Variants in PCLAF observed in about 807,000 individuals in gnomAD.
The protein encoded by PCLAF is PCNA clamp associated factor.
Under a neutral mutation model 15.1 loss-of-function variants are expected in PCLAF, and 12 were observed. The observed-to-expected ratio is 0.79, with a 90% CI of 0.51 to 1.29. PCLAF has a LOEUF of 1.29. Ranked by LOEUF, PCLAF falls within the 50% of genes most tolerant of loss-of-function variation. PCLAF has a pLI of 0.00. For missense variants in PCLAF, 116 were observed against 130.9 expected (o/e 0.89, Z 0.56); for synonymous variants, 33 against 47.1 (o/e 0.70, Z 1.22).
chr15:64,381,651 A>G, upstream of PCLAF: 1 of 713,100 alleles, frequency 1.4e-6, no homozygotes, highest in Non-Finnish European at 2.2e-6. Context: ...GGTGGGCGGT[A>G]CCAGGACTCT....
Position 64,376,787 on chromosome 15 carries a change from A to C in PCLAF, c.246T>G (p.Ile82Met). The part of the protein sequence containing the change: ...SPKDSEKENQ[I>M]PEEAGSSGLG... ...AGCCACTGCTTCCTGCCTCTTCAGG[A>C]ATCTGATTCTCTTTTTCAGAATCTT... Residue 82 changes from isoleucine to methionine, a missense_variant, in exon 3 of 4, where the codon ATT becomes ATG. Physicochemically the swap from Ile to Met is conservative, Grantham distance 10. Transcript: ENST00000300035. The C allele has an allele frequency of 6.2e-7, 1 of 1,613,852 alleles. No individual in the cohort carries two copies. The highest frequency in any genetic ancestry group is 1.1e-5 in the South Asian group (1 of 91,040).
intron 3 of PCLAF, among the ~76,000 whole-genome samples, 163 bp downstream of exon 3, chr15:64,376,580 G>A (rs1018536182): frequency 2.0e-5 from 3 of 152,164 alleles, no homozygotes; most frequent in South Asian, 4.2e-4. Context: ...CCAGCACGCC[G>A]AGCTAATTTT....
At chr15:64,372,255 C>T (rs1274515314) in intron 3 of PCLAF, among the ~76,000 whole-genome samples, 1 of 152,144 alleles carries the variant, frequency 6.6e-6, no homozygotes, top group African/African-American at 2.4e-5. Flanking sequence ...AAGAATTAGT[C>T]ATGCTTGGAT....
chr15:64,386,865 C>A (rs538194421), intron 1 of PCLAF, among the ~76,000 whole-genome samples: 2 of 152,140 alleles, frequency 1.3e-5, no homozygotes, highest in Non-Finnish European at 2.9e-5. Flanking sequence ...AACTTTTAAC[C>A]TGCAAATGCA....
At chr15:64,387,242 C>G (rs1420528384) in intron 1 of PCLAF, among the ~76,000 whole-genome samples, 1 of 151,912 alleles carries the variant, frequency 6.6e-6, no homozygotes, top group African/African-American at 2.4e-5. Context: ...ATTAGCCGGG[C>G]GTGGTGGCGG....
At position 64,381,341 on chromosome 15, in the gene PCLAF, C is replaced by T. The variant is rs375121530; in HGVS notation, c.31G>A (p.Gly11Ser). 7 of 1,614,054 alleles carry T rather than the reference C, an allele frequency of 4.3e-6. No homozygotes were observed. The highest frequency in any genetic ancestry group is 4.2e-6 in the Non-Finnish European group (5 of 1,180,026). Residue 11 changes from glycine (G) to serine (S), a missense_variant, in exon 1 of 4, where the codon GGC (glycine) becomes AGC (serine). Gly to Ser is a moderately conservative substitution (Grantham distance 56). Coordinates refer to ENST00000300035, the MANE Select transcript of PCLAF (RefSeq NM_014736.6). MVRTKADSVP[G>S]TYRKVVAARA... ...ATCGCCTCACCTTTTCTGTAAGTGC[C>T]TGGAACACTGTCTGCTTTAGTCCGC...
intron 3 of PCLAF, among the ~76,000 whole-genome samples, chr15:64,367,265 AG>A (rs1899075291): frequency 6.6e-6 from 1 of 152,114 alleles, no homozygotes; most frequent in South Asian, 2.1e-4. Context: ...GCACTTCGGG[AG>A]GCCGAGGCGG....
At chr15:64,381,576 C>T, upstream of PCLAF, 1 of 1,410,860 alleles carries the variant, frequency 7.1e-7, no homozygotes, top group Non-Finnish European at 9.3e-7. Flanking sequence ...GTGACAGCGG[C>T]GAGGCTTCTT....
chr15:64,378,970 G>A (rs990701532), intron 2 of PCLAF, among the ~76,000 whole-genome samples: 7 of 151,508 alleles, frequency 4.6e-5, no homozygotes, highest in African/African-American at 1.7e-4. Flanking sequence ...ATTTAGTTGT[G>A]TGACCTTTAT....
In PCLAF at chr15:64,364,995, T is replaced by C. The variant is rs1446087197; in HGVS notation, c.*1035A>G. 1 of 143,714 alleles carries C rather than the reference T, an allele frequency of 7.0e-6. No individual in the cohort carries two copies. The highest frequency in any genetic ancestry group is 1.5e-5 in the Non-Finnish European group (1 of 65,636). 8.9% of individuals were successfully genotyped at this position (143,714 alleles called of 1,614,324 possible). On this transcript the variant is annotated 3_prime_UTR_variant, in exon 4 of 4. Transcript: ENST00000300035. ...CACTGCACTCAGCCTTTTTTAAAAT[T>C]TTTTTTTTTTTTTTTTTTGAGACGG... is the stretch of plus-strand genomic sequence containing the variant.
At chr15:64,375,411 T>C (rs1899568505) in intron 3 of PCLAF, among the ~76,000 whole-genome samples, 2 of 151,996 alleles carry the variant, frequency 1.3e-5, no homozygotes, top group Admixed American at 6.6e-5. Context: ...GGTGAGCCAC[T>C]GTGCCAGGCC....
chr15:64,367,632 C>T (rs1424618458), intron 3 of PCLAF, among the ~76,000 whole-genome samples: 3 of 151,902 alleles, frequency 2.0e-5, no homozygotes, highest in Non-Finnish European at 2.9e-5. Flanking sequence ...ACTGCAACCT[C>T]TGCCTCCCGG....
At chr15:64,373,693 C>G (rs1899455079) in intron 3 of PCLAF, 3 of 1,535,340 alleles carry the variant, frequency 2.0e-6, no homozygotes, top group Non-Finnish European at 2.6e-6. Flanking sequence ...CCACCATCCC[C>G]TTACCCATTT....
chr15:64,366,225 A>G (rs1899025255), intron 3 of PCLAF, 150 bp from the exon 4 acceptor site: 1 of 488,080 alleles, frequency 2.0e-6, no homozygotes, highest in Non-Finnish European at 3.5e-6. Context: ...AACTTCATTA[A>G]TTAACAAACA....
intron 1 of PCLAF, among the ~76,000 whole-genome samples, chr15:64,386,956 C>T (rs1052612817): frequency 6.6e-5 from 10 of 151,386 alleles, no homozygotes; most frequent in African/African-American, 2.2e-4. Context: ...ATTGTCTTAG[C>T]GGGGTAGGGA....
In PCLAF at chr15:64,365,500, A is replaced by AT. The variant is rs1898993906; in HGVS notation, c.*529dup. On this transcript the variant is annotated 3_prime_UTR_variant, in exon 4 of 4. Transcript: ENST00000300035. ...ACCCTCAAGACCAAATTATCTTTACATTTTTTTAAAGAGAAGATATCCATC... is the reference window on the plus strand; with the variant it reads ...ACCCTCAAGACCAAATTATCTTTACATTTTTTTTAAAGAGAAGATATCCATC... 1.3e-5 allele frequency: 2 copies of AT among 154,622 alleles called. No homozygotes were observed. The highest frequency in any genetic ancestry group is 6.6e-5 in the Admixed American group (1 of 15,266). 9.6% of individuals were successfully genotyped at this position (154,622 alleles called of 1,614,324 possible).
chr15:64,379,121 G>A, intron 2 of PCLAF, among the ~76,000 whole-genome samples: 1 of 151,870 alleles, frequency 6.6e-6, no homozygotes, highest in South Asian at 2.1e-4. Context: ...TATTCAGTAA[G>A]GGCCTATTTA....
At position 64,376,818 on chromosome 15, in the gene PCLAF, G is replaced by T. The variant is rs757883774; in HGVS notation, c.215C>A (p.Ser72Tyr). The T allele has an allele frequency of 6.2e-7, 1 of 1,612,770 alleles. No individual in the cohort carries two copies. Among genetic ancestry groups the T allele is most frequent in the Admixed American group, 1.7e-5 (1 of 59,978 alleles). ...ATTCTCTTTTTCAGAATCTTTAGGG[G>T]ACAACCTAAAGAATTCTCCAATTCC... is the stretch of plus-strand genomic sequence containing the variant. Reference protein sequence around the residue: ...QKGIGEFFRLSPKDSEKENQI... With the variant: ...QKGIGEFFRLYPKDSEKENQI... The change falls in exon 3 of 4, where the codon TCC becomes TAC. Residue 72 changes from serine (S) to tyrosine (Y), a missense_variant. Physicochemically the swap from Ser to Tyr is moderately radical, Grantham distance 144. Transcript: ENST00000300035.
intron 2 of PCLAF, among the ~76,000 whole-genome samples, chr15:64,378,073 G>A (rs1352063416): frequency 2.0e-5 from 3 of 152,040 alleles, no homozygotes; most frequent in Admixed American, 6.6e-5. Context: ...TGGGACTACA[G>A]GCGCCCGCCA....
Sources: gnomAD v4.1 joint callset for allele counts (sites outside exome capture counted in the v4.1 genomes callset) on GRCh38, gnomAD v4.1.1 for gene constraint, MANE v1.5 for transcripts, NCBI Gene and HGNC (gene_info 2026-07-23, HGNC 2026-07-21) for gene names.